The following SNAPC3 variants were observed in gnomAD, a reference collection of about 807,000 sequenced individuals.
SNAPC3 encodes snRNA-activating protein complex subunit 3.
Under a neutral mutation model 47.7 loss-of-function variants are expected in SNAPC3, and 56 were observed. The observed-to-expected ratio is 1.18, with a 90% CI of 0.95 to 1.47. The LOEUF (loss-of-function observed/expected upper bound fraction) is 1.47, where lower values mean the gene tolerates loss of function less well. SNAPC3 is among the 40% of genes most tolerant of loss of function. The pLI is 0.00. For synonymous variants in SNAPC3, 235 were observed against 189.9 expected (o/e 1.24, Z -1.95); for missense variants, 665 against 511.3 (o/e 1.30, Z -2.90).
chr9:15,445,891 A>T (rs2033891722), intron 4 of SNAPC3, among the ~76,000 whole-genome samples: 1 of 152,126 alleles, frequency 6.6e-6, no homozygotes, highest in Non-Finnish European at 1.5e-5. Context: ...AGCCAAGACC[A>T]TGCCATGGCA....
At chr9:15,465,456 G>T, downstream of SNAPC3, 2 of 1,366,632 alleles carry the variant, frequency 1.5e-6, no homozygotes, top group Non-Finnish European at 2.0e-6. Flanking sequence ...ACTTTCAGCA[G>T]TCTATTTCAA....
chr9:15,432,420 C>T (rs892970564), intron 2 of SNAPC3, among the ~76,000 whole-genome samples: 10 of 152,044 alleles, frequency 6.6e-5, no homozygotes, highest in African/African-American at 2.4e-4. Context: ...CACCTTTTTC[C>T]AGTAAAGGAA....
chr9:15,436,949 G>T (rs964038812), intron 3 of SNAPC3, among the ~76,000 whole-genome samples: 5 of 150,288 alleles, frequency 3.3e-5, no homozygotes, highest in African/African-American at 1.2e-4. Flanking sequence ...TCAGCCTCCT[G>T]AGTGGCTGGG....
intron 5 of SNAPC3, among the ~76,000 whole-genome samples, chr9:15,450,480 T>C (rs1403457364): frequency 2.0e-5 from 3 of 152,220 alleles, no homozygotes; most frequent in African/African-American, 7.2e-5. Flanking sequence ...TGGCAGATAT[T>C]ATTATTCTCA....
chr9:15,451,947 A>G lies in SNAPC3; in HGVS notation c.815+545A>G, dbSNP rs187441032. Reference sequence around the variant, plus strand: ...GTCTTAACAATTACAGTATACAAGTATATATATTATTGTTGCCCTTTTTAA... The same window carrying G: ...GTCTTAACAATTACAGTATACAAGTGTATATATTATTGTTGCCCTTTTTAA... On this transcript the variant is annotated intron_variant, in intron 6 of 8. Transcript: ENST00000380821. Among the ~76,000 whole-genome samples, 18 of 143,046 alleles carry G rather than the reference A, an allele frequency of 1.3e-4. No homozygotes were observed. The Admixed American group carries it at 1.3e-3, about 10-fold the overall frequency. 93.8% of individuals were successfully genotyped at this position (143,046 alleles called of 152,430 possible). A position where few individuals can be genotyped will look rare whatever the true frequency, so the allele number is the denominator to read the frequency against.
chr9:15,425,607 A>G (rs573918615), intron 2 of SNAPC3, among the ~76,000 whole-genome samples: 1 of 152,332 alleles, frequency 6.6e-6, no homozygotes, highest in East Asian at 1.9e-4. Flanking sequence ...ATACTGCCTT[A>G]AACTCTTAAC....
chr9:15,458,391 G>A (rs908909371), intron 8 of SNAPC3, among the ~76,000 whole-genome samples: 1 of 152,258 alleles, frequency 6.6e-6, no homozygotes, highest in Non-Finnish European at 1.5e-5. Context: ...GAAAAGCTCT[G>A]TACAATAACT....
rs74369286 is a variant in SNAPC3, at chr9:15,426,083, A to G, written c.392+2097A>G. 6.9e-3 allele frequency among the ~76,000 whole-genome samples: 1,022 copies of G among 148,996 alleles called. 9 individuals carry two copies. Among genetic ancestry groups the G allele is most frequent in the African/African-American group, 0.024 (975 of 40,440 alleles). On this transcript the variant is annotated intron_variant, in intron 2 of 8. Coordinates refer to ENST00000380821, the MANE Select transcript of SNAPC3 (RefSeq NM_001039697.2). Reference sequence around the variant, plus strand: ...TGTTGGTCAGGCTCCATGTTGGCCAACCTCTCGTGATCCACCCACCTCGGC... The same window carrying G: ...TGTTGGTCAGGCTCCATGTTGGCCAGCCTCTCGTGATCCACCCACCTCGGC...
intron 2 of SNAPC3, among the ~76,000 whole-genome samples, chr9:15,424,516 C>T (rs1387684925): frequency 6.6e-6 from 1 of 151,714 alleles, no homozygotes; most frequent in Non-Finnish European, 1.5e-5. Context: ...AAAAGAATTA[C>T]TAGAAAAATG....
At chr9:15,439,928 A>T (rs923425329) in intron 3 of SNAPC3, among the ~76,000 whole-genome samples, 4 of 152,226 alleles carry the variant, frequency 2.6e-5, no homozygotes, top group Non-Finnish European at 2.9e-5. Flanking sequence ...TTTTGACTTT[A>T]TGATGGGTTT....
chr9:15,449,557 A>ATGTTTTT (rs1563851150), intron 5 of SNAPC3, among the ~76,000 whole-genome samples: 1 of 43,446 alleles, frequency 2.3e-5, no homozygotes, highest in African/African-American at 1.1e-4. Context: ...ATATATATAT[A>ATGTTTTT]TATATATTTT....
chr9:15,442,373 A>T (rs2033518214), intron 3 of SNAPC3, among the ~76,000 whole-genome samples: 2 of 150,724 alleles, frequency 1.3e-5, no homozygotes, highest in Admixed American at 1.3e-4. Flanking sequence ...CACCTCCCAG[A>T]CAGGGCAGCT....
rs138841606 is a variant in SNAPC3 at position 15,453,180 on chromosome 9, C to G, written c.955C>G (p.His319Asp). The stretch of plus-strand genomic sequence containing the variant: ...ATACTGTCATCAGGGAGACTGTGAA[C>G]ATGTCATTGTCATTACTGACATAAG... ...YLYCHQGDCE[H>D]VIVITDIRLV... is the part of the protein sequence containing the mutation. Residue 319 changes from histidine (H) to aspartate (D), a missense_variant, in exon 7 of 9, where the codon CAT (histidine) becomes GAT (aspartate). Transcript: ENST00000380821. The G allele has an allele frequency of 2.6e-5, 42 of 1,612,670 alleles. No individual in the cohort carries two copies. Among genetic ancestry groups the G allele is most frequent in the Non-Finnish European group, 3.6e-5 (42 of 1,178,978 alleles).
At chr9:15,442,703 A>G (rs1306980243) in intron 3 of SNAPC3, among the ~76,000 whole-genome samples, 1 of 151,766 alleles carries the variant, frequency 6.6e-6, no homozygotes, top group East Asian at 1.9e-4. Context: ...AGCCAGGCAG[A>G]GGGGCTCCTC....
chr9:15,442,164 A>C (rs574131117), intron 3 of SNAPC3, among the ~76,000 whole-genome samples: 4 of 139,100 alleles, frequency 2.9e-5, no homozygotes, highest in Non-Finnish European at 4.7e-5. Flanking sequence ...GGCTGCCCCC[A>C]ACCTCCCTCC....
At chr9:15,434,096 C>T (rs1284530419) in intron 3 of SNAPC3, among the ~76,000 whole-genome samples, 2 of 152,172 alleles carry the variant, frequency 1.3e-5, no homozygotes, top group African/African-American at 4.8e-5. Flanking sequence ...ATCATGCATA[C>T]GGGCACCTAT....
chr9:15,425,516 C>A (rs972232553), intron 2 of SNAPC3, among the ~76,000 whole-genome samples: 9 of 152,200 alleles, frequency 5.9e-5, no homozygotes, highest in African/African-American at 2.2e-4. Context: ...CCACACCTTG[C>A]CCATACCACT....
At chr9:15,435,385 C>G (rs2032665797) in intron 3 of SNAPC3, among the ~76,000 whole-genome samples, 1 of 152,234 alleles carries the variant, frequency 6.6e-6, no homozygotes, top group East Asian at 1.9e-4. Flanking sequence ...CCAGCCTGAC[C>G]AACATGGCGA....
chr9:15,437,379 C>T (rs115881222), intron 3 of SNAPC3, among the ~76,000 whole-genome samples: 6,509 of 152,064 alleles, frequency 0.043, 461 homozygotes, highest in African/African-American at 0.15. Context: ...ACTACAGGCG[C>T]CCATCACAAT....
Sources: gnomAD v4.1 joint callset for allele counts (sites outside exome capture counted in the v4.1 genomes callset) on GRCh38, gnomAD v4.1.1 for gene constraint, MANE v1.5 for transcripts, NCBI Gene and HGNC (gene_info 2026-07-23, HGNC 2026-07-21) for gene names.